SORCS2: variants seen among roughly 807,000 people sequenced by gnomAD.
SORCS2 encodes sortilin related VPS10 domain containing receptor 2, also known as VPS10 domain-containing receptor SorCS2.
SORCS2 carries 100 observed loss-of-function variants against 141.6 expected under a neutral mutation model. The ratio of observed to expected loss-of-function variants is 0.71; its 90% CI spans 0.60 to 0.83. SORCS2 has a LOEUF of 0.83. Among genes scored for constraint, SORCS2 ranks in the 40% least tolerant of loss-of-function variants. The pLI is 0.00. For synonymous variants in SORCS2, 789 were observed against 676.9 expected (o/e 1.17, Z -2.57); for missense variants, 1,646 against 1,560.2 (o/e 1.05, Z -0.93).
At chr4:7,199,420 G>T (rs1376501929) in intron 1 of SORCS2, among the ~76,000 whole-genome samples, 1 of 152,172 alleles carries the variant, frequency 6.6e-6, no homozygotes, top group East Asian at 1.9e-4. Flanking sequence ...GGCTGGGGAG[G>T]TGTGGCTGAG....
chr4:7,473,625 G>A (rs1560314019), intron 2 of SORCS2, among the ~76,000 whole-genome samples: 2 of 152,312 alleles, frequency 1.3e-5, no homozygotes, highest in East Asian at 1.9e-4. Flanking sequence ...AAAGGGCCCC[G>A]AATGCCAAGC....
chr4:7,440,204 G>A (rs1225611627), intron 2 of SORCS2, among the ~76,000 whole-genome samples: 2 of 152,242 alleles, frequency 1.3e-5, no homozygotes, highest in African/African-American at 4.8e-5. Flanking sequence ...GAATTAGGGA[G>A]CGGGGGAGGA....
intron 8 of SORCS2, 106 bp downstream of exon 8, chr4:7,667,319 G>C: frequency 9.7e-7 from 1 of 1,028,886 alleles, no homozygotes; most frequent in Non-Finnish European, 1.5e-6. Flanking sequence ...CCCAGGTCAG[G>C]ATGGACAAGA....
intron 23 of SORCS2, among the ~76,000 whole-genome samples, chr4:7,731,610 A>C (rs2148894762): frequency 6.6e-6 from 1 of 152,352 alleles, no homozygotes; most frequent in South Asian, 2.1e-4. Flanking sequence ...TACTGGCATA[A>C]AAACAGACAC....
chr4:7,205,880 C>T (rs934542171), intron 1 of SORCS2, among the ~76,000 whole-genome samples: 1 of 152,066 alleles, frequency 6.6e-6, no homozygotes, highest in Admixed American at 6.6e-5. Context: ...CCCGTCTCTA[C>T]TAAAAATACA....
At chr4:7,610,853 G>A (rs1718361612) in intron 3 of SORCS2, among the ~76,000 whole-genome samples, 1 of 152,204 alleles carries the variant, frequency 6.6e-6, no homozygotes, top group African/African-American at 2.4e-5. Flanking sequence ...GACGGGGATG[G>A]GGAAGGGGAA....
intron 3 of SORCS2, among the ~76,000 whole-genome samples, chr4:7,564,505 T>C (rs2109685640): frequency 1.3e-5 from 2 of 152,274 alleles, no homozygotes; most frequent in South Asian, 4.1e-4. Flanking sequence ...AGACTGCAAA[T>C]AGGGTCATGT....
At chr4:7,529,347 T>G (rs1480832673) in intron 2 of SORCS2, among the ~76,000 whole-genome samples, 1 of 152,144 alleles carries the variant, frequency 6.6e-6, no homozygotes, top group Non-Finnish European at 1.5e-5. Context: ...TTGATGCTGT[T>G]GTATTTTTGC....
Position 7,724,588 on chromosome 4 carries a change from G to T in SORCS2, c.2612-566G>T, listed in dbSNP as rs201524497. ...GGTGGTGGTGATGGTGATGGTGGTG[G>T]TGTTGGTGATGGTGGTGATAGTGCT... On this transcript the variant is annotated intron_variant, in intron 19 of 26. Transcript: ENST00000507866. Among the ~76,000 whole-genome samples the T allele has an allele frequency of 4.4e-4, 21 of 48,166 alleles. 1 individual carries two copies. The highest frequency in any genetic ancestry group is 1.3e-3 in the African/African-American group (15 of 11,702). The allele number at this position is 48,166 out of a possible 152,430, so 31.6% of individuals were successfully genotyped here.
At position 7,723,847 on chromosome 4, in the gene SORCS2, G is replaced by C; in HGVS notation, c.2575G>C (p.Gly859Arg). ...GTCCGTCAGGGCAGAGAACACGGCAGGCCACGATGAGGCGGTGCTCTTTGT... is the reference window on the plus strand; with the variant it reads ...GTCCGTCAGGGCAGAGAACACGGCACGCCACGATGAGGCGGTGCTCTTTGT... ...RVSVRAENTAGHDEAVLFVQV... is the reference protein window; with the variant it reads ...RVSVRAENTARHDEAVLFVQV... Residue 859 changes from glycine (G) to arginine (R), a missense_variant, in exon 19 of 27, where the codon GGC becomes CGC. Gly to Arg is a moderately radical substitution (Grantham distance 125). Transcript: ENST00000507866. The C allele has an allele frequency of 6.2e-7, 1 of 1,611,776 alleles. No individual in the cohort carries two copies.
chr4:7,396,441 C>A (rs1244120381), intron 2 of SORCS2, 86 bp downstream of exon 2: 26 of 1,396,134 alleles, frequency 1.9e-5, no homozygotes, highest in Non-Finnish European at 2.3e-5. Context: ...GATCCAAACA[C>A]CTCACTGTGG....
chr4:7,287,009 C>G (rs1377007642), intron 1 of SORCS2, among the ~76,000 whole-genome samples: 1 of 152,222 alleles, frequency 6.6e-6, no homozygotes, highest in Admixed American at 6.5e-5. Flanking sequence ...GAGTTGCCTC[C>G]TCCTCCAGGA....
chr4:7,572,636 G>A (rs1417660039), intron 3 of SORCS2, among the ~76,000 whole-genome samples: 2 of 152,170 alleles, frequency 1.3e-5, no homozygotes, highest in Non-Finnish European at 2.9e-5. Context: ...GTATGTGGGA[G>A]GAAGGGCTTG....
chr4:7,567,716 A>G (rs1385026035), intron 3 of SORCS2, among the ~76,000 whole-genome samples: 1 of 152,186 alleles, frequency 6.6e-6, no homozygotes, highest in Admixed American at 6.5e-5. Context: ...CCCATGTTTA[A>G]GGAGTGAGTC....
intron 18 of SORCS2, among the ~76,000 whole-genome samples, chr4:7,722,627 C>T (rs1431804832): frequency 6.6e-6 from 1 of 152,166 alleles, no homozygotes; most frequent in Non-Finnish European, 1.5e-5. Flanking sequence ...ACACAGATGC[C>T]TGTCACTGGA....
chr4:7,331,928 C>T (rs1450185899), intron 1 of SORCS2, among the ~76,000 whole-genome samples: 1 of 152,182 alleles, frequency 6.6e-6, no homozygotes, highest in African/African-American at 2.4e-5. Context: ...ATGACTGGGG[C>T]TGGAGCCTGG....
chr4:7,349,788 C>T (rs1180065378), intron 1 of SORCS2, among the ~76,000 whole-genome samples: 1 of 152,218 alleles, frequency 6.6e-6, no homozygotes, highest in Admixed American at 6.5e-5. Context: ...AACTGTTGGA[C>T]TGGACGCTCT....
chr4:7,291,861 T>A (rs1161768637), intron 1 of SORCS2, among the ~76,000 whole-genome samples: 1 of 152,200 alleles, frequency 6.6e-6, no homozygotes, highest in Non-Finnish European at 1.5e-5. Flanking sequence ...AGCCCATAAA[T>A]GACACAGCTT....
chr4:7,307,397 T>G (rs1056462026), intron 1 of SORCS2, among the ~76,000 whole-genome samples: 4 of 152,248 alleles, frequency 2.6e-5, no homozygotes, highest in African/African-American at 9.6e-5. Context: ...TCCTGTCCCT[T>G]TTCCTACCAT....
Sources: allele counts gnomAD v4.1 joint callset (sites outside exome capture counted in the v4.1 genomes callset), GRCh38; gene constraint gnomAD v4.1.1; transcripts MANE v1.5; gene names NCBI Gene and HGNC (gene_info 2026-07-23, HGNC 2026-07-21).